SDK1: variants seen among roughly 807,000 people sequenced by gnomAD.
The protein encoded by SDK1 is sidekick cell adhesion molecule 1, also known as protein sidekick-1.
In SDK1, 157 loss-of-function variants were observed where a neutral mutation model predicts 245.5. That is an observed-to-expected ratio of 0.64 (90% CI 0.56 to 0.73). The LOEUF is 0.73. Ranked by LOEUF, SDK1 falls within the 30% of genes least tolerant of loss-of-function variation. SDK1 has a pLI of 0.00. For missense variants in SDK1, 3,583 were observed against 3,002.3 expected, an observed-to-expected ratio of 1.19 and a Z score of -4.52; for synonymous variants, 1,647 against 1,278.5, an observed-to-expected ratio of 1.29 and a Z score of -6.15.
chr7:3,509,938 G>C (rs559158905), intron 1 of SDK1, among the ~76,000 whole-genome samples: 1 of 152,288 alleles, frequency 6.6e-6, no homozygotes, highest in East Asian at 1.9e-4. Context: ...CTTCACCCCA[G>C]ACTCATTAAA....
chr7:3,800,535 C>G (rs1779082111), intron 4 of SDK1, among the ~76,000 whole-genome samples: 1 of 152,074 alleles, frequency 6.6e-6, no homozygotes, highest in Non-Finnish European at 1.5e-5. Flanking sequence ...GTGCCCACCA[C>G]CACACCCGGC....
chr7:3,970,830 C>G (rs765313982), intron 11 of SDK1, among the ~76,000 whole-genome samples: 5 of 152,172 alleles, frequency 3.3e-5, no homozygotes, highest in Non-Finnish European at 7.4e-5. Context: ...GGCTTGCCCT[C>G]GAACTTAGCC....
intron 5 of SDK1, among the ~76,000 whole-genome samples, chr7:3,926,988 C>G (rs1305560158): frequency 2.0e-5 from 3 of 152,326 alleles, no homozygotes; most frequent in Middle Eastern, 3.4e-3. Context: ...TAGGGCTTAA[C>G]TTGGGGGCCC....
chr7:3,496,589 T>C (rs1782033367), intron 1 of SDK1, among the ~76,000 whole-genome samples: 1 of 152,172 alleles, frequency 6.6e-6, no homozygotes, highest in Non-Finnish European at 1.5e-5. Flanking sequence ...GGTTGCTTGG[T>C]GAAAGTGAAA....
chr7:4,232,407 C>CTTTTTTTTTTTTTTTTTTT (rs201396862), intron 40 of SDK1, among the ~76,000 whole-genome samples: 34 of 73,172 alleles, frequency 4.6e-4, no homozygotes, highest in Admixed American at 7.3e-4. Context: ...CTTTTCTTTT[C>CTTTTTTTTTTTTTTTTTTT]TTTCTTTTTT....
rs75452887 is a variant in SDK1, at chr7:3,798,063, A to G, written c.714-23387A>G. ...ACTAAGAAATTTTCATTGGTACAGT[A>G]CCATTTACTAGAGCCTTTTTCCCAG... On this transcript the variant is annotated intron_variant, in intron 4 of 44. Transcript: ENST00000404826. 1.6e-4 allele frequency among the ~76,000 whole-genome samples: 24 copies of G among 152,144 alleles called. No homozygotes were observed. In the East Asian group the frequency reaches 3.7e-3, roughly 23 times the overall value.
At chr7:4,044,235 G>C (rs570001653) in intron 17 of SDK1, among the ~76,000 whole-genome samples, 74 of 152,306 alleles carry the variant, frequency 4.9e-4, no homozygotes, top group Non-Finnish European at 9.6e-4. Flanking sequence ...CTGTCCACTG[G>C]GCAGCTGCCC....
chr7:4,241,471 C>T (rs1020334152), intron 42 of SDK1, among the ~76,000 whole-genome samples: 31 of 152,076 alleles, frequency 2.0e-4, no homozygotes, highest in African/African-American at 6.8e-4. Flanking sequence ...CCCATCTCTA[C>T]CAAAACAAAC....
chr7:3,840,623 A>T (rs1780132945), intron 5 of SDK1, among the ~76,000 whole-genome samples: 1 of 152,212 alleles, frequency 6.6e-6, no homozygotes, highest in Non-Finnish European at 1.5e-5. Flanking sequence ...TTAAAGTTTT[A>T]AAAAACCAAG....
At chr7:4,188,612 G>C (rs1343153080) in intron 35 of SDK1, among the ~76,000 whole-genome samples, 3 of 150,938 alleles carry the variant, frequency 2.0e-5, no homozygotes, top group Non-Finnish European at 2.9e-5. Flanking sequence ...TTGAGACCAA[G>C]TAAATATTCA....
chr7:3,373,536 T>A (rs1422635322), intron 1 of SDK1, among the ~76,000 whole-genome samples: 1 of 152,142 alleles, frequency 6.6e-6, no homozygotes, highest in Admixed American at 6.6e-5. Flanking sequence ...CAAAGGTGTG[T>A]TGCAAATTAA....
At chr7:3,483,289 A>T (rs1041815304) in intron 1 of SDK1, among the ~76,000 whole-genome samples, 1 of 152,188 alleles carries the variant, frequency 6.6e-6, no homozygotes, top group African/African-American at 2.4e-5. Flanking sequence ...CAAGTTTTAT[A>T]GTTGTCTTCA....
At chr7:3,327,274 G>C (rs921505905) in intron 1 of SDK1, among the ~76,000 whole-genome samples, 20 of 152,240 alleles carry the variant, frequency 1.3e-4, no homozygotes, top group Middle Eastern at 6.8e-3. Flanking sequence ...TTTGAGGGAA[G>C]AGGCTGATGA....
chr7:3,894,490 T>C (rs979103507), intron 5 of SDK1, among the ~76,000 whole-genome samples: 1 of 151,922 alleles, frequency 6.6e-6, no homozygotes, highest in Admixed American at 6.6e-5. Flanking sequence ...CTCTAGGCTT[T>C]GCAGGTTCAG....
In SDK1 at chr7:3,690,879, A is replaced by C. The variant is rs534778528; in HGVS notation, c.713+48774A>C. Among the ~76,000 whole-genome samples, 3 of 152,338 alleles carry C rather than the reference A, an allele frequency of 2.0e-5. No individual in the cohort carries two copies. In the South Asian group the frequency reaches 6.2e-4, roughly 32 times the overall value. On this transcript the variant is annotated intron_variant, in intron 4 of 44. Coordinates refer to ENST00000404826, the MANE Select transcript of SDK1 (RefSeq NM_152744.4). Reference sequence around the variant, plus strand: ...AACTTTCATAATAGACAGTCTCAAAACACTTCAGAAATAAAATACACTCAT... The same window carrying C: ...AACTTTCATAATAGACAGTCTCAAACCACTTCAGAAATAAAATACACTCAT...
At chr7:3,630,741 G>A (rs1004704391) in intron 2 of SDK1, among the ~76,000 whole-genome samples, 1 of 152,294 alleles carries the variant, frequency 6.6e-6, no homozygotes, top group East Asian at 1.9e-4. Flanking sequence ...AATGCTGAAA[G>A]AGAGAAGAAA....
intron 14 of SDK1, among the ~76,000 whole-genome samples, chr7:4,005,887 C>A (rs557028979): frequency 3.3e-5 from 5 of 152,034 alleles, no homozygotes; most frequent in African/African-American, 1.2e-4. Flanking sequence ...AAAAATTAGC[C>A]GGGCACGGTG....
At chr7:4,221,884 C>T (rs1312839056) in intron 40 of SDK1, among the ~76,000 whole-genome samples, 3 of 152,140 alleles carry the variant, frequency 2.0e-5, no homozygotes, top group African/African-American at 7.2e-5. Flanking sequence ...TTTTTTCACC[C>T]TTCCTTCCAT....
Position 4,267,956 on chromosome 7 carries a change from G to C in SDK1, c.*2572G>C. On this transcript the variant is annotated 3_prime_UTR_variant, in exon 45 of 45. Transcript: ENST00000404826. ...AGATTTTGGCCTCCCAGAGCAATGC[G>C]GCATTTGAGAAGCAACAGTTCCTAA... 1 of 985,472 alleles carries C rather than the reference G, an allele frequency of 1.0e-6. No individual in the cohort carries two copies. Among genetic ancestry groups the C allele is most frequent in the South Asian group, 4.7e-5 (1 of 21,284 alleles). The allele number at this position is 985,472 out of a possible 1,614,324, so 61.0% of individuals were successfully genotyped here. A position where few individuals can be genotyped will look rare whatever the true frequency, so the allele number is the denominator to read the frequency against.
Sources: allele counts gnomAD v4.1 joint callset (sites outside exome capture counted in the v4.1 genomes callset), GRCh38; gene constraint gnomAD v4.1.1; transcripts MANE v1.5; gene names NCBI Gene and HGNC (gene_info 2026-07-23, HGNC 2026-07-21).